The following EXOSC10 variants were observed in gnomAD, a reference collection of about 807,000 sequenced individuals.
EXOSC10 encodes exosome complex component 10.
Under a neutral mutation model 126.6 loss-of-function variants are expected in EXOSC10, and 94 were observed. The ratio of observed to expected loss-of-function variants is 0.74; its 90% CI spans 0.63 to 0.88. The LOEUF (loss-of-function observed/expected upper bound fraction) is 0.88, where lower values mean the gene tolerates loss of function less well. Ranked by LOEUF, EXOSC10 falls within the 40% of genes least tolerant of loss-of-function variation. The pLI, the probability that EXOSC10 is intolerant of heterozygous loss-of-function variation, is 0.00. For missense variants in EXOSC10, 1,041 were observed against 1,100.5 expected, an observed-to-expected ratio of 0.95 and a Z score of 0.77; for synonymous variants, 395 against 400.8, an observed-to-expected ratio of 0.99 and a Z score of 0.17.
intron 3 of EXOSC10, among the ~76,000 whole-genome samples, chr1:11,095,183 G>A (rs547465210): frequency 4.0e-4 from 58 of 145,002 alleles, no homozygotes; most frequent in African/African-American, 1.5e-3. Context: ...CTGCACTCCA[G>A]CCTGGGCAAC....
intron 14 of EXOSC10, among the ~76,000 whole-genome samples, chr1:11,078,296 C>T (rs997694287): frequency 6.9e-6 from 1 of 144,828 alleles, no homozygotes; most frequent in Non-Finnish European, 1.5e-5. Flanking sequence ...CTCGCTCTGT[C>T]GCCCAGACTG....
At chr1:11,085,242 G>C (rs957347681) in intron 9 of EXOSC10, among the ~76,000 whole-genome samples, 5 of 152,126 alleles carry the variant, frequency 3.3e-5, no homozygotes, top group Admixed American at 3.3e-4. Context: ...TCACGATATT[G>C]ATTCTTCCTA....
intron 20 of EXOSC10, chr1:11,071,478 G>A (rs929763407): frequency 1.8e-5 from 3 of 167,178 alleles, no homozygotes; most frequent in South Asian, 1.6e-4. Context: ...CTCCCACGCT[G>A]GTCTCAAAGC....
intron 10 of EXOSC10, 101 bp from the exon 11 acceptor site, chr1:11,081,339 T>C (rs1640156726): frequency 1.5e-6 from 2 of 1,310,590 alleles, no homozygotes; most frequent in East Asian, 2.3e-5. Flanking sequence ...CCTTCCAATA[T>C]GAAAGATCCT....
At position 11,099,755 on chromosome 1, in the gene EXOSC10, A is replaced by C. The variant is rs1001850115; in HGVS notation, c.77T>G (p.Leu26Arg). Residue 26 changes from leucine (L) to arginine (R), a missense_variant, in exon 1 of 25, where the codon CTG becomes CGG. Coordinates refer to ENST00000376936, the MANE Select transcript of EXOSC10 (RefSeq NM_001001998.3). ...SATKSDGEMV[L>R]PGFPDADSFV... is the part of the protein sequence containing the mutation. ...GCTGTCGGCGTCCGGGAAGCCTGGC[A>C]GCACCATCTCTCCGTCGGATTTGGT... is the stretch of plus-strand genomic sequence containing the variant. 3 of 1,611,908 alleles carry C rather than the reference A, an allele frequency of 1.9e-6. No homozygotes were observed. The African/African-American group carries it at 4.0e-5, about 22-fold the overall frequency.
intron 14 of EXOSC10, 134 bp from the exon 15 acceptor site, chr1:11,077,785 C>T (rs950741479): frequency 4.4e-6 from 3 of 674,434 alleles, no homozygotes; most frequent in East Asian, 5.3e-5. Context: ...CCTCTCTTCA[C>T]TCCTTACAGT....
chr1:11,099,599 G>A (rs1557725564), intron 1 of EXOSC10, 122 bp downstream of exon 1: 1 of 1,122,240 alleles, frequency 8.9e-7, no homozygotes, highest in African/African-American at 1.6e-5. Flanking sequence ...AGCGCGGACA[G>A]GGGCCCCGCG....
chr1:11,099,598 AGG>A, intron 1 of EXOSC10, 121 bp downstream of exon 1: 1 of 1,050,820 alleles, frequency 9.5e-7, no homozygotes, highest in Non-Finnish European at 1.3e-6. Flanking sequence ...CAGCGCGGAC[AGG>A]GGCCCCGCGA....
chr1:11,097,965 CTTCT>C (rs1227722061), intron 2 of EXOSC10, 51 bp downstream of exon 2: 4 of 1,427,692 alleles, frequency 2.8e-6, no homozygotes, highest in African/African-American at 1.5e-5. Context: ...AATTTATCTA[CTTCT>C]TTGTTTTCAT....
intron 3 of EXOSC10, among the ~76,000 whole-genome samples, chr1:11,095,142 GTGGAGGT>G (rs1209385716): frequency 6.6e-6 from 1 of 150,986 alleles, no homozygotes; most frequent in Non-Finnish European, 1.5e-5. Flanking sequence ...AACCTGGGAG[GTGGAGGT>G]TGCAGTGAAC....
At chr1:11,097,214 C>T (rs376968979) in intron 2 of EXOSC10, among the ~76,000 whole-genome samples, 3 of 150,378 alleles carry the variant, frequency 2.0e-5, no homozygotes, top group South Asian at 2.1e-4. Context: ...CGTACTCCCC[C>T]CCAACAAAAA....
At chr1:11,096,095 T>C (rs140936408) in intron 2 of EXOSC10, among the ~76,000 whole-genome samples, 8 of 152,166 alleles carry the variant, frequency 5.3e-5, no homozygotes, top group Admixed American at 2.0e-4. Flanking sequence ...GCGATTCTCG[T>C]GTCTCAGCCT....
chr1:11,082,277 TA>T (rs1294443618), intron 10 of EXOSC10, among the ~76,000 whole-genome samples: 7 of 151,964 alleles, frequency 4.6e-5, no homozygotes, highest in East Asian at 1.9e-4. Flanking sequence ...AGTGTAAAGC[TA>T]AACAACAGTG....
At position 11,083,977 on chromosome 1, in the gene EXOSC10, G is replaced by A. The variant is rs375601204; in HGVS notation, c.1090-1099C>T. Among the ~76,000 whole-genome samples the A allele has an allele frequency of 4.0e-3, 615 of 152,170 alleles. 1 individual carries two copies. The highest frequency in any genetic ancestry group is 5.0e-3 in the Non-Finnish European group (342 of 68,014). ...TGAACTCATCCTTTTTTATGGCTGC[G>A]TAGTATTCCATGGTGTATATGTGAC... On this transcript the variant is annotated intron_variant, in intron 9 of 24. Coordinates refer to ENST00000376936, the MANE Select transcript of EXOSC10 (RefSeq NM_001001998.3).
chr1:11,075,713 T>A (rs1335897160), intron 17 of EXOSC10, among the ~76,000 whole-genome samples: 2 of 152,012 alleles, frequency 1.3e-5, no homozygotes, highest in Non-Finnish European at 2.9e-5. Flanking sequence ...TGGCTGGGCA[T>A]GGTGGCATAC....
intron 9 of EXOSC10, among the ~76,000 whole-genome samples, chr1:11,083,589 G>C (rs1298257958): frequency 7.5e-6 from 1 of 132,750 alleles, no homozygotes; most frequent in Admixed American, 7.9e-5. Flanking sequence ...AAAAAAATTA[G>C]ATATATGCAG....
intron 9 of EXOSC10, among the ~76,000 whole-genome samples, chr1:11,084,668 C>T (rs1452042926): frequency 1.3e-5 from 2 of 152,170 alleles, no homozygotes; most frequent in Non-Finnish European, 2.9e-5. Flanking sequence ...GTTGCCATTG[C>T]TTTTGGTGTC....
chr1:11,097,737 AG>A (rs1433494048), intron 2 of EXOSC10, among the ~76,000 whole-genome samples: 26 of 152,322 alleles, frequency 1.7e-4, no homozygotes, highest in Admixed American at 6.5e-4. Flanking sequence ...AAAAAAAAAA[AG>A]AATCTTGGCT....
At chr1:11,096,973 G>A (rs1570867005) in intron 2 of EXOSC10, among the ~76,000 whole-genome samples, 1 of 152,092 alleles carries the variant, frequency 6.6e-6, no homozygotes, top group Non-Finnish European at 1.5e-5. Flanking sequence ...CAACACTATG[G>A]GAGGCTGAGG....
Sources: gnomAD v4.1 joint callset for allele counts (sites outside exome capture counted in the v4.1 genomes callset) on GRCh38, gnomAD v4.1.1 for gene constraint, MANE v1.5 for transcripts, NCBI Gene and HGNC (gene_info 2026-07-23, HGNC 2026-07-21) for gene names.